The following GPHN variants were observed in gnomAD, a reference collection of about 807,000 sequenced individuals.
The protein encoded by GPHN is gephyrin.
A neutral mutation model predicts 95.5 loss-of-function variants in GPHN; 17 were observed. That is an observed-to-expected ratio of 0.18 (90% CI 0.12 to 0.27). The LOEUF is 0.27. Ranked by LOEUF, GPHN falls within the 10% of genes least tolerant of loss-of-function variation. The probability of loss-of-function intolerance (pLI) is 1.00; values close to 1 mark genes in which losing one functional copy is unlikely to be tolerated. For synonymous variants in GPHN, 320 were observed against 322.5 expected (o/e 0.99, Z 0.08); for missense variants, 660 against 978.1 (o/e 0.67, Z 4.34).
At chr14:67,022,702 A>C (rs953471966) in intron 9 of GPHN, among the ~76,000 whole-genome samples, 3 of 150,544 alleles carry the variant, frequency 2.0e-5, no homozygotes, top group African/African-American at 7.3e-5. Flanking sequence ...AACCCACCCT[A>C]AGTTGCAACA....
chr14:66,633,215 C>T (rs773199741), intron 1 of GPHN, among the ~76,000 whole-genome samples: 1 of 152,130 alleles, frequency 6.6e-6, no homozygotes, highest in Non-Finnish European at 1.5e-5. Flanking sequence ...TTCTCCTATA[C>T]TTCTTATCTT....
intron 1 of GPHN, among the ~76,000 whole-genome samples, chr14:66,574,412 T>C (rs2060822772): frequency 6.6e-6 from 1 of 152,254 alleles, no homozygotes; most frequent in Non-Finnish European, 1.5e-5. Context: ...ACTTTCATAC[T>C]GTAGTTAAAA....
At chr14:67,662,356 A>C in the GPHN span, 1 of 929,288 alleles carries the variant, frequency 1.1e-6, no homozygotes, top group Non-Finnish European at 1.7e-6. Context: ...TTCATTTAGT[A>C]AGAAATAGTC....
chr14:67,234,477 T>G, the GPHN span, among the ~76,000 whole-genome samples: 1 of 152,182 alleles, frequency 6.6e-6, no homozygotes, highest in Non-Finnish European at 1.5e-5. Flanking sequence ...ACGAAGTGGC[T>G]GAAATCAGTG....
rs547291543 is a variant in GPHN, at chr14:67,048,657, A to G, written c.1007-9992A>G. Among the ~76,000 whole-genome samples, 8 of 152,310 alleles carry G rather than the reference A, an allele frequency of 5.3e-5. No individual in the cohort carries two copies. The South Asian group carries it at 1.5e-3, about 28-fold the overall frequency. The stretch of plus-strand genomic sequence containing the variant: ...GCCCCAACTCTCAAATAAAAATCCT[A>G]TATCCTAAAGAACCTTGTAGTTTAT... On this transcript the variant is annotated intron_variant, in intron 10 of 22. Transcript: ENST00000478722.
chr14:67,426,541 C>CG, the GPHN span, among the ~76,000 whole-genome samples: 1 of 152,074 alleles, frequency 6.6e-6, no homozygotes, highest in East Asian at 1.9e-4. Context: ...CTGCCGGGTT[C>CG]GGGGGACAGT....
At chr14:67,685,229 G>A in the GPHN span, 1 of 1,588,972 alleles carries the variant, frequency 6.3e-7, no homozygotes, top group South Asian at 1.1e-5. Context: ...CATGAAGAGA[G>A]GGTAAGACAG....
the GPHN span, chr14:67,340,617 A>G: frequency 1.0e-6 from 1 of 1,003,566 alleles, no homozygotes; most frequent in Non-Finnish European, 1.5e-6. Context: ...CCTAATTGTA[A>G]AATTAATGTG....
the GPHN span, among the ~76,000 whole-genome samples, chr14:67,253,957 TGTTTTG>T: frequency 4.7e-5 from 7 of 150,480 alleles, no homozygotes; most frequent in East Asian, 2.0e-4. Context: ...GTTAATATTT[TGTTTTG>T]TTTTTTTTTT....
chr14:67,674,483 A>C, the GPHN span: 1 of 1,604,030 alleles, frequency 6.2e-7, no homozygotes. Flanking sequence ...GCGGCGGAGG[A>C]GGCCATGGCG....
the GPHN span, chr14:67,395,330 G>A: frequency 2.2e-6 from 3 of 1,372,766 alleles, no homozygotes; most frequent in Non-Finnish European, 3.1e-6. Flanking sequence ...GCCCCCCCAA[G>A]GGGCAGGGTC....
At chr14:67,313,993 T>G in the GPHN span, among the ~76,000 whole-genome samples, 1 of 151,954 alleles carries the variant, frequency 6.6e-6, no homozygotes, top group Admixed American at 6.6e-5. Context: ...AAAAAAATAG[T>G]TCTGCCAGAA....
chr14:66,913,581 C>G (rs2065775967), intron 5 of GPHN, among the ~76,000 whole-genome samples: 1 of 152,036 alleles, frequency 6.6e-6, no homozygotes, highest in African/African-American at 2.4e-5. Context: ...ACCTTGTGAT[C>G]CTCCCACCTC....
intron 1 of GPHN, among the ~76,000 whole-genome samples, chr14:66,578,280 G>GA (rs1202929555): frequency 6.6e-6 from 1 of 151,492 alleles, no homozygotes; most frequent in Non-Finnish European, 1.5e-5. Context: ...AGAACAAAAT[G>GA]AAAAAAGAAT....
chr14:66,676,814 G>A (rs1164123895), intron 1 of GPHN, among the ~76,000 whole-genome samples: 1 of 151,458 alleles, frequency 6.6e-6, no homozygotes, highest in African/African-American at 2.4e-5. Context: ...TTGGTATCTG[G>A]GTACTACTGA....
intron 10 of GPHN, among the ~76,000 whole-genome samples, chr14:67,036,789 C>T (rs1247876839): frequency 6.6e-6 from 1 of 151,754 alleles, no homozygotes; most frequent in Non-Finnish European, 1.5e-5. Context: ...AAGTTAAAGA[C>T]ACAGTAAATG....
the GPHN span, among the ~76,000 whole-genome samples, chr14:67,361,123 A>T: frequency 6.6e-6 from 1 of 152,268 alleles, no homozygotes; most frequent in East Asian, 1.9e-4. Context: ...AGTTAAGCAT[A>T]ACTAAAACCT....
chr14:67,274,327 A>C, the GPHN span, among the ~76,000 whole-genome samples: 1,597 of 152,336 alleles, frequency 0.01, 25 homozygotes, highest in African/African-American at 0.035. Context: ...ATCCAGTTTC[A>C]GCTTTCTACA....
At chr14:66,884,837 T>TAA (rs1555431170) in intron 5 of GPHN, among the ~76,000 whole-genome samples, 1 of 147,226 alleles carries the variant, frequency 6.8e-6, no homozygotes, top group Non-Finnish European at 1.5e-5. Flanking sequence ...TATATATATA[T>TAA]AAAATAAGAA....
Sources: allele counts gnomAD v4.1 joint callset (sites outside exome capture counted in the v4.1 genomes callset), GRCh38; gene constraint gnomAD v4.1.1; transcripts MANE v1.5; gene names NCBI Gene and HGNC (gene_info 2026-07-23, HGNC 2026-07-21).